Variants in MYO9A observed in about 807,000 individuals in gnomAD.
MYO9A encodes myosin IXA, also known as unconventional myosin-IXa.
A neutral mutation model predicts 293.3 loss-of-function variants in MYO9A; 103 were observed. That is an observed-to-expected ratio of 0.35 (90% confidence interval 0.30 to 0.41). The LOEUF (loss-of-function observed/expected upper bound fraction) is 0.41. Ranked by LOEUF, MYO9A falls within the 10% of genes least tolerant of loss-of-function variation. The pLI is 1.00. For synonymous variants in MYO9A, 1,001 were observed against 1,035.7 expected, an observed-to-expected ratio of 0.97 and a Z score of 0.64; for missense variants, 2,685 against 3,033.0, an observed-to-expected ratio of 0.89 and a Z score of 2.69.
chr15:71,850,418 GA>G (rs775527708), intron 37 of MYO9A, among the ~76,000 whole-genome samples: 5 of 152,080 alleles, frequency 3.3e-5, no homozygotes, highest in African/African-American at 4.8e-5. Flanking sequence ...CTTCCCAAGG[GA>G]AATTTGTGAC....
chr15:72,043,613 T>C (rs1315834856), intron 2 of MYO9A, among the ~76,000 whole-genome samples: 3 of 152,176 alleles, frequency 2.0e-5, no homozygotes, highest in African/African-American at 7.2e-5. Flanking sequence ...TGTGGTTCCA[T>C]TTATATAAAA....
chr15:72,040,605 C>A (rs1365864133), intron 2 of MYO9A, among the ~76,000 whole-genome samples: 3 of 152,160 alleles, frequency 2.0e-5, no homozygotes, highest in Non-Finnish European at 4.4e-5. Context: ...CAGTATTTTC[C>A]GTTTTTTTGA....
intron 1 of MYO9A, among the ~76,000 whole-genome samples, chr15:72,103,197 AG>A (rs570340814): frequency 6.6e-6 from 1 of 150,900 alleles, no homozygotes; most frequent in Non-Finnish European, 1.5e-5. Context: ...CTAAGTCTCA[AG>A]AAAAAAAAAA....
At chr15:71,945,041 T>C (rs1446326665) in intron 15 of MYO9A, among the ~76,000 whole-genome samples, 1 of 152,216 alleles carries the variant, frequency 6.6e-6, no homozygotes, top group Non-Finnish European at 1.5e-5. Context: ...AAGTATTTCA[T>C]GTTTCTGTTA....
At chr15:72,012,774 G>T (rs556313394) in intron 6 of MYO9A, among the ~76,000 whole-genome samples, 19 of 152,162 alleles carry the variant, frequency 1.2e-4, no homozygotes, top group African/African-American at 4.3e-4. Flanking sequence ...GCTTCCACAT[G>T]TGTCAATAAT....
chr15:72,011,094 C>T (rs911006830), intron 6 of MYO9A, among the ~76,000 whole-genome samples: 15 of 151,670 alleles, frequency 9.9e-5, no homozygotes, highest in Middle Eastern at 3.4e-3. Flanking sequence ...ACTGCAGCTT[C>T]GACCTCCCGG....
At chr15:72,041,018 G>T (rs571813869) in intron 2 of MYO9A, among the ~76,000 whole-genome samples, 2 of 152,264 alleles carry the variant, frequency 1.3e-5, no homozygotes, top group Admixed American at 1.3e-4. Context: ...GCCAAAGCAG[G>T]TGGATCGCTT....
intron 9 of MYO9A, among the ~76,000 whole-genome samples, chr15:71,997,748 C>T (rs1258388174): frequency 2.0e-5 from 3 of 151,720 alleles, no homozygotes; most frequent in African/African-American, 4.8e-5. Flanking sequence ...ATTAGAGAAA[C>T]GCAAATCAAA....
At chr15:71,943,716 A>C (rs2058837869) in intron 15 of MYO9A, among the ~76,000 whole-genome samples, 2 of 152,092 alleles carry the variant, frequency 1.3e-5, no homozygotes, top group South Asian at 4.1e-4. Flanking sequence ...GGGTAAAGAC[A>C]ATCACTAACT....
chr15:71,928,056 A>AATT lies in MYO9A; in HGVS notation c.2562+5613_2562+5614insAAT, dbSNP rs2058371550. ...TATATATATATATATATATATATAT[A>AATT]TTTTTTTTTTTTTTTTTTTTTTTTT... On this transcript the variant is annotated intron_variant, in intron 18 of 41. Transcript: ENST00000356056. Among the ~76,000 whole-genome samples, 6 of 6,044 alleles carry AATT rather than the reference A, an allele frequency of 9.9e-4. 1 individual carries two copies. Among genetic ancestry groups the AATT allele is most frequent in the Admixed American group, 2.6e-3 (1 of 392 alleles). 4.0% of individuals were successfully genotyped at this position (6,044 alleles called of 152,430 possible). A position where few individuals can be genotyped will look rare whatever the true frequency, so the allele number is the denominator to read the frequency against.
rs2055493933 is a variant in MYO9A, at chr15:71,848,614, A to G, written c.6837+231T>C. Among the ~76,000 whole-genome samples the G allele has an allele frequency of 3.3e-5, 5 of 152,200 alleles. No homozygotes were observed. The South Asian group carries it at 1.0e-3, about 31-fold the overall frequency. ...TTATTAAGACACCAACATTTTATCT[A>G]AATACTTGATTTGAAAAATTCTGCA... On this transcript the variant is annotated intron_variant, in intron 39 of 41. Transcript: ENST00000356056.
In MYO9A at chr15:71,960,974, T is replaced by C. The variant is rs540901613; in HGVS notation, c.1987-878A>G. 2.4e-3 allele frequency among the ~76,000 whole-genome samples: 373 copies of C among 152,284 alleles called. 8 individuals carry two copies. Among genetic ancestry groups the C allele is most frequent in the Non-Finnish European group, 1.5e-4 (10 of 68,030 alleles). ...GAGAAAGTGTGGAAGATTAGATAAATAAATAGGCTATTTAGACTCTGAACT... is the reference window on the plus strand; with the variant it reads ...GAGAAAGTGTGGAAGATTAGATAAACAAATAGGCTATTTAGACTCTGAACT... On this transcript the variant is annotated intron_variant, in intron 13 of 41. Coordinates refer to ENST00000356056, the MANE Select transcript of MYO9A (RefSeq NM_006901.4).
chr15:71,938,622 C>A, intron 16 of MYO9A: 1 of 370,410 alleles, frequency 2.7e-6, no homozygotes, highest in Non-Finnish European at 4.8e-6. Context: ...TTAAGTTATT[C>A]TGAAGAAACT....
Position 71,999,861 on chromosome 15 carries a change from T to C in MYO9A, c.1460A>G (p.Lys487Arg), listed in dbSNP as rs200949168. ...GAAAATCCATCATACCTCTGCCAACTTGTATGGCAAAATAAGCTTTTCTCC... is the reference window on the plus strand; with the variant it reads ...GAAAATCCATCATACCTCTGCCAACCTGTATGGCAAAATAAGCTTTTCTCC... ...TVGEKLILPY[K>R]LAEAVTVRNS... The change falls in exon 9 of 42, where the codon AAG (lysine) becomes AGG (arginine). Residue 487 changes from lysine to arginine, a missense_variant. Transcript: ENST00000356056. The C allele has an allele frequency of 6.2e-7, 1 of 1,611,416 alleles. No individual in the cohort carries two copies. The highest frequency in any genetic ancestry group is 1.3e-5 in the African/African-American group (1 of 74,950).
At chr15:71,847,428 C>A (rs757548957) in intron 39 of MYO9A, 1 of 454,156 alleles carries the variant, frequency 2.2e-6, no homozygotes, top group South Asian at 1.6e-5. Context: ...GACTGAATTG[C>A]GGGTAATGTT....
chr15:71,973,573 A>G (rs1454162906), intron 12 of MYO9A, among the ~76,000 whole-genome samples: 1 of 152,120 alleles, frequency 6.6e-6, no homozygotes, highest in African/African-American at 2.4e-5. Context: ...GATAAAAGCC[A>G]CTGTATGATC....
intron 1 of MYO9A, among the ~76,000 whole-genome samples, chr15:72,073,637 G>A (rs2079259707): frequency 6.6e-6 from 1 of 152,034 alleles, no homozygotes; most frequent in Admixed American, 6.6e-5. Flanking sequence ...AAAGTCCCTG[G>A]GGAGTTATAA....
At chr15:71,937,047 G>C (rs962722080) in intron 16 of MYO9A, among the ~76,000 whole-genome samples, 1 of 151,718 alleles carries the variant, frequency 6.6e-6, no homozygotes. Flanking sequence ...AAGGGAGGGA[G>C]GGAGGGAGAG....
intron 12 of MYO9A, among the ~76,000 whole-genome samples, chr15:71,970,483 A>G (rs894733963): frequency 6.6e-6 from 1 of 152,216 alleles, no homozygotes; most frequent in African/African-American, 2.4e-5. Context: ...AAAATACTCA[A>G]TGTAAGTCCC....
Sources: gnomAD v4.1 joint callset for allele counts (sites outside exome capture counted in the v4.1 genomes callset) on GRCh38, gnomAD v4.1.1 for gene constraint, MANE v1.5 for transcripts, NCBI Gene and HGNC (gene_info 2026-07-23, HGNC 2026-07-21) for gene names.